Variants in ME1 observed in about 807,000 individuals in gnomAD.
ME1 encodes the protein NADP-dependent malic enzyme.
ME1 carries 74 observed loss-of-function variants against 66.4 expected under a neutral mutation model. The observed-to-expected ratio is 1.11, with a 90% CI of 0.92 to 1.35. The LOEUF (loss-of-function observed/expected upper bound fraction) is 1.35, where lower values mean the gene tolerates loss of function less well. ME1 is among the 40% of genes most tolerant of loss of function. ME1 has a pLI of 0.00. For missense variants in ME1, 750 were observed against 694.1 expected (o/e 1.08, Z -0.90); for synonymous variants, 251 against 235.6 (o/e 1.07, Z -0.60).
At chr6:83,223,371 C>T (rs1297194184) in intron 12 of ME1, among the ~76,000 whole-genome samples, 1 of 152,078 alleles carries the variant, frequency 6.6e-6, no homozygotes, top group Non-Finnish European at 1.5e-5. Flanking sequence ...GCCAAGCTGG[C>T]CTCGAACTCC....
chr6:83,392,146 C>T (rs942369526), intron 3 of ME1, among the ~76,000 whole-genome samples: 12 of 152,340 alleles, frequency 7.9e-5, no homozygotes, highest in Non-Finnish European at 1.5e-4. Flanking sequence ...TGCATCTTCT[C>T]GTGCATTGCC....
At chr6:83,300,237 T>C (rs940909454) in intron 6 of ME1, among the ~76,000 whole-genome samples, 26 of 151,544 alleles carry the variant, frequency 1.7e-4, no homozygotes, top group African/African-American at 6.3e-4. Flanking sequence ...TATACAACAA[T>C]CATCTTAATA....
chr6:83,395,782 A>T (rs1472000618), intron 3 of ME1, among the ~76,000 whole-genome samples: 2 of 151,838 alleles, frequency 1.3e-5, no homozygotes, highest in Admixed American at 6.6e-5. Context: ...CCAAATCTTA[A>T]ATCTAGAGAG....
intron 6 of ME1, among the ~76,000 whole-genome samples, chr6:83,310,042 G>T (rs1767901666): frequency 6.6e-6 from 1 of 152,138 alleles, no homozygotes. Context: ...AAATGGATTT[G>T]TGCTACTCCA....
intron 10 of ME1, among the ~76,000 whole-genome samples, chr6:83,228,466 A>C (rs1790239890): frequency 6.6e-6 from 1 of 152,062 alleles, no homozygotes; most frequent in African/African-American, 2.4e-5. Context: ...CAACCCCGCT[A>C]CCCTAGTTAA....
chr6:83,381,321 A>T (rs947624215), intron 3 of ME1, among the ~76,000 whole-genome samples: 1 of 152,170 alleles, frequency 6.6e-6, no homozygotes, highest in Non-Finnish European at 1.5e-5. Context: ...TACAGTGAGT[A>T]AAGGACAAGA....
intron 6 of ME1, among the ~76,000 whole-genome samples, chr6:83,278,598 C>T (rs904998192): frequency 5.9e-5 from 9 of 151,880 alleles, no homozygotes; most frequent in African/African-American, 1.2e-4. Flanking sequence ...CTTGCCACCA[C>T]GCCTGGTGCC....
At chr6:83,231,024 A>G (rs942103083) in intron 9 of ME1, among the ~76,000 whole-genome samples, 3 of 152,230 alleles carry the variant, frequency 2.0e-5, no homozygotes, top group Non-Finnish European at 4.4e-5. Flanking sequence ...TGCGTTTTTA[A>G]GAGGTTATGT....
chr6:83,294,417 C>A (rs1442013453), intron 6 of ME1, among the ~76,000 whole-genome samples: 1 of 152,164 alleles, frequency 6.6e-6, no homozygotes, highest in Non-Finnish European at 1.5e-5. Context: ...AATATTCTAT[C>A]CGAGCTTGCA....
Position 83,228,413 on chromosome 6 carries a change from C to T in ME1, c.1132+413G>A, listed in dbSNP as rs1790238721. Among the ~76,000 whole-genome samples the T allele has an allele frequency of 2.6e-5, 4 of 152,128 alleles. No individual in the cohort carries two copies. In the South Asian group the frequency reaches 8.3e-4, roughly 31 times the overall value. ...ATATTTAGTAGAATCATTCCGCTGC[C>T]TCTATCTGCTAGATGTCAGTAGCCC... On this transcript the variant is annotated intron_variant, in intron 10 of 13. Transcript: ENST00000369705.
At chr6:83,242,702 C>T (rs115238500) in intron 7 of ME1, among the ~76,000 whole-genome samples, 2,917 of 151,270 alleles carry the variant, frequency 0.019, 91 homozygotes, top group African/African-American at 0.065. Flanking sequence ...ACTGCTTTTT[C>T]GAAAAGAAAA....
intron 1 of ME1, among the ~76,000 whole-genome samples, chr6:83,424,042 A>T (rs1174769605): frequency 6.6e-6 from 1 of 151,262 alleles, no homozygotes; most frequent in African/African-American, 2.4e-5. Context: ...GGCTGCAGTG[A>T]GCTGTGATCA....
intron 3 of ME1, among the ~76,000 whole-genome samples, chr6:83,377,590 C>T (rs1326665268): frequency 2.6e-5 from 4 of 151,796 alleles, no homozygotes; most frequent in Admixed American, 1.3e-4. Flanking sequence ...TACTGGCAAT[C>T]AAAATAACTT....
intron 6 of ME1, among the ~76,000 whole-genome samples, chr6:83,312,603 T>C (rs2128538711): frequency 6.6e-6 from 1 of 152,246 alleles, no homozygotes; most frequent in South Asian, 2.1e-4. Context: ...GGGAGGTTGA[T>C]GGGCAGAAAT....
chr6:83,396,143 C>T (rs1769727269), intron 3 of ME1, among the ~76,000 whole-genome samples: 2 of 151,996 alleles, frequency 1.3e-5, no homozygotes, highest in Non-Finnish European at 2.9e-5. Flanking sequence ...GCGGGTGGAT[C>T]ACATGAGGCC....
chr6:83,271,507 G>A (rs918237652), intron 6 of ME1, among the ~76,000 whole-genome samples: 1 of 152,088 alleles, frequency 6.6e-6, no homozygotes, highest in African/African-American at 2.4e-5. Flanking sequence ...ACCTATATTA[G>A]TCATTGATAT....
At chr6:83,327,348 T>C (rs1768315217) in intron 5 of ME1, among the ~76,000 whole-genome samples, 1 of 152,246 alleles carries the variant, frequency 6.6e-6, no homozygotes. Flanking sequence ...AACAGAGGCA[T>C]ATTTCTCTTC....
chr6:83,285,488 TATGTACC>T (rs1767379517), intron 6 of ME1, among the ~76,000 whole-genome samples: 1 of 152,142 alleles, frequency 6.6e-6, no homozygotes, highest in Non-Finnish European at 1.5e-5. Flanking sequence ...ATAAGTAAAC[TATGTACC>T]ATGTTATAAG....
chr6:83,233,499 G>A (rs1383656451), intron 9 of ME1, among the ~76,000 whole-genome samples: 1 of 151,920 alleles, frequency 6.6e-6, no homozygotes, highest in African/African-American at 2.4e-5. Flanking sequence ...TGTAAATGAT[G>A]GAAAATGCTA....
Sources: gnomAD v4.1 joint callset for allele counts (sites outside exome capture counted in the v4.1 genomes callset) on GRCh38, gnomAD v4.1.1 for gene constraint, MANE v1.5 for transcripts, NCBI Gene and HGNC (gene_info 2026-07-23, HGNC 2026-07-21) for gene names.